Variants in PACRG observed in about 807,000 individuals in gnomAD.
The protein encoded by PACRG is parkin coregulated gene protein.
A neutral mutation model predicts 29.7 loss-of-function variants in PACRG; 29 were observed. The ratio of observed to expected loss-of-function variants is 0.98; its 90% CI spans 0.73 to 1.33. PACRG has a LOEUF of 1.33. PACRG is among the 40% of genes most tolerant of loss of function. The pLI is 0.00. For synonymous variants in PACRG, 116 were observed against 118.7 expected (o/e 0.98, Z 0.15); for missense variants, 279 against 316.2 (o/e 0.88, Z 0.89).
rs1383484506 is a variant in PACRG at position 163,269,813 on chromosome 6, GAAGGAAGGAGAAAGAAAGAAAGAAAA to G, written c.614-45012_614-44987del. ...GAAAGAAAGGAAGGAAGGAAGGAAG[GAAGGAAGGAGAAAGAAAGAAAGAAAA>G]AGAAAGAAAGAAAGAAAGAGAAAGA... On this transcript the variant is annotated intron_variant, in intron 4 of 4. Transcript: ENST00000366888. Among the ~76,000 whole-genome samples, 109 of 100,924 alleles carry G rather than the reference GAAGGAAGGAGAAAGAAAGAAAGAAAA, an allele frequency of 1.1e-3. 14 individuals carry two copies. The highest frequency in any genetic ancestry group is 3.4e-3 in the African/African-American group (92 of 26,806). 66.2% of individuals were successfully genotyped at this position (100,924 alleles called of 152,430 possible).
At chr6:163,027,840 A>G (rs1807285276) in intron 2 of PACRG, among the ~76,000 whole-genome samples, 1 of 152,204 alleles carries the variant, frequency 6.6e-6, no homozygotes, top group Non-Finnish European at 1.5e-5. Flanking sequence ...CCTATTTCTC[A>G]TTCATGCGCC....
intron 4 of PACRG, among the ~76,000 whole-genome samples, chr6:163,100,411 C>T (rs1814997146): frequency 6.6e-6 from 1 of 152,206 alleles, no homozygotes; most frequent in Non-Finnish European, 1.5e-5. Context: ...GCCCAGGCGT[C>T]GCGCGGCCAG....
intron 2 of PACRG, among the ~76,000 whole-genome samples, chr6:162,985,554 T>C (rs904392365): frequency 1.3e-5 from 2 of 151,980 alleles, no homozygotes; most frequent in Non-Finnish European, 2.9e-5. Context: ...AACAGACATA[T>C]CTTAACATAA....
intron 1 of PACRG, among the ~76,000 whole-genome samples, chr6:162,736,492 A>G (rs564599077): frequency 6.6e-6 from 1 of 152,278 alleles, no homozygotes; most frequent in African/African-American, 2.4e-5. Flanking sequence ...TGATAAGAGC[A>G]CAGAGCTGAA....
intron 4 of PACRG, among the ~76,000 whole-genome samples, chr6:163,264,742 T>A (rs561107296): frequency 1.2e-4 from 18 of 152,296 alleles, no homozygotes; most frequent in Non-Finnish European, 1.8e-4. Flanking sequence ...GCAGATTACC[T>A]CTAGGCTTAG....
At chr6:162,939,861 G>T (rs374708058) in intron 2 of PACRG, among the ~76,000 whole-genome samples, 1 of 151,906 alleles carries the variant, frequency 6.6e-6, no homozygotes, top group Non-Finnish European at 1.5e-5. Context: ...TTTATTTAGC[G>T]CCTGCTGTCA....
intron 2 of PACRG, among the ~76,000 whole-genome samples, chr6:163,045,791 T>C (rs899341779): frequency 4.6e-5 from 7 of 151,598 alleles, no homozygotes; most frequent in African/African-American, 1.7e-4. Context: ...CCTTTTTGTA[T>C]TTTTAGTAGA....
chr6:162,787,010 G>A (rs1195615616), intron 1 of PACRG, among the ~76,000 whole-genome samples: 2 of 152,132 alleles, frequency 1.3e-5, no homozygotes, highest in Non-Finnish European at 2.9e-5. Context: ...AGTTTTGCCA[G>A]TAGAAATACT....
chr6:163,162,523 T>A (rs1778599230), intron 4 of PACRG, among the ~76,000 whole-genome samples: 1 of 152,242 alleles, frequency 6.6e-6, no homozygotes, highest in African/African-American at 2.4e-5. Context: ...CTGCTCCATC[T>A]GATGCCACAA....
At chr6:162,973,077 G>T (rs1248675041) in intron 2 of PACRG, among the ~76,000 whole-genome samples, 2 of 152,196 alleles carry the variant, frequency 1.3e-5, no homozygotes, top group African/African-American at 2.4e-5. Context: ...AGAAAAAAAT[G>T]TAGAACATGG....
Position 163,101,608 on chromosome 6 carries a change from G to T in PACRG, c.613+12200G>T, listed in dbSNP as rs142494633. On this transcript the variant is annotated intron_variant, in intron 4 of 4. Transcript: ENST00000366888. ...TGATGACCAACTAAAATTTCTAGAA[G>T]AATTTCTGTTAGGACCATAGACAAC... Among the ~76,000 whole-genome samples the T allele has an allele frequency of 4.7e-3, 718 of 152,248 alleles. 9 individuals carry two copies. The highest frequency in any genetic ancestry group is 0.016 in the African/African-American group (676 of 41,544).
chr6:163,001,423 C>T (rs1804578436), intron 2 of PACRG, among the ~76,000 whole-genome samples: 2 of 152,086 alleles, frequency 1.3e-5, no homozygotes, highest in African/African-American at 2.4e-5. Context: ...CCATAAGAAC[C>T]AGGGTGAGCC....
chr6:162,731,653 A>G (rs1470656791), intron 1 of PACRG, among the ~76,000 whole-genome samples: 1 of 152,180 alleles, frequency 6.6e-6, no homozygotes, highest in Non-Finnish European at 1.5e-5. Context: ...AACAAAAAAC[A>G]AAAACAAATC....
At chr6:163,151,736 G>A (rs1778101409) in intron 4 of PACRG, among the ~76,000 whole-genome samples, 1 of 152,268 alleles carries the variant, frequency 6.6e-6, no homozygotes, top group Admixed American at 6.5e-5. Flanking sequence ...CCGCTAAAAA[G>A]TATCCTTTGA....
chr6:162,756,241 G>A (rs535474083), intron 1 of PACRG, among the ~76,000 whole-genome samples: 93 of 152,180 alleles, frequency 6.1e-4, no homozygotes, highest in African/African-American at 1.8e-3. Flanking sequence ...TGAAAGTGGC[G>A]TATTAAGGTC....
At chr6:163,062,492 C>T (rs1339467476) in intron 3 of PACRG, among the ~76,000 whole-genome samples, 171 bp downstream of exon 3, 2 of 152,176 alleles carry the variant, frequency 1.3e-5, no homozygotes, top group East Asian at 1.9e-4. Context: ...TATATCCCAT[C>T]ATCAATATTT....
chr6:162,742,659 G>A (rs1780689738), intron 1 of PACRG, among the ~76,000 whole-genome samples: 2 of 151,924 alleles, frequency 1.3e-5, no homozygotes, highest in African/African-American at 4.8e-5. Context: ...TCTTGTAGTA[G>A]TTTTAATCCT....
At chr6:162,988,944 T>C (rs1463794511) in intron 2 of PACRG, among the ~76,000 whole-genome samples, 1 of 152,180 alleles carries the variant, frequency 6.6e-6, no homozygotes, top group Non-Finnish European at 1.5e-5. Flanking sequence ...GGTGAAACTA[T>C]TGGTTTTCTT....
intron 1 of PACRG, among the ~76,000 whole-genome samples, chr6:162,749,587 C>G (rs1222544987): frequency 6.6e-6 from 1 of 152,094 alleles, no homozygotes; most frequent in African/African-American, 2.4e-5. Context: ...ATGGCGTGAT[C>G]TCAGCTCACT....
Sources: gnomAD v4.1 joint callset for allele counts (sites outside exome capture counted in the v4.1 genomes callset) on GRCh38, gnomAD v4.1.1 for gene constraint, MANE v1.5 for transcripts, NCBI Gene and HGNC (gene_info 2026-07-23, HGNC 2026-07-21) for gene names.